The following CANX variants were observed in gnomAD, a reference collection of about 807,000 sequenced individuals.
The protein encoded by CANX is epididymis secretory sperm binding protein.
A neutral mutation model predicts 75.7 loss-of-function variants in CANX; 14 were observed. The ratio of observed to expected loss-of-function variants is 0.19; its 90% confidence interval spans 0.12 to 0.29. The LOEUF is 0.29. Among genes scored for constraint, CANX ranks in the 10% least tolerant of loss-of-function variants. The pLI, the probability that CANX is intolerant of heterozygous loss-of-function variation, is 1.00. For missense variants in CANX, 567 were observed against 713.2 expected (o/e 0.79, Z 2.34); for synonymous variants, 227 against 236.9 (o/e 0.96, Z 0.38).
rs1292417898 is a variant in CANX at position 179,722,827 on chromosome 5, A to G, written c.1206A>G (p.Ile402Met). The G allele has an allele frequency of 6.2e-7, 1 of 1,612,614 alleles. No individual in the cohort carries two copies. The highest frequency in any genetic ancestry group is 1.7e-5 in the Admixed American group (1 of 59,954). ...SYQGIWKPRK[I>M]PNPDFFEDLE... ...AGGGAATCTGGAAACCCAGGAAAATACCAAATCCAGATTTCTTTGAAGATC... is the reference window on the plus strand; with the variant it reads ...AGGGAATCTGGAAACCCAGGAAAATGCCAAATCCAGATTTCTTTGAAGATC... The change falls in exon 11 of 15, where the codon ATA becomes ATG. Residue 402 changes from isoleucine (I) to methionine (M), a missense_variant. Physicochemically the swap from Ile to Met is conservative, Grantham distance 10. This residue lies in a region of CANX where 49 missense variants were observed against 100.1 expected (regional missense o/e 0.49). Transcript: ENST00000247461.
In CANX at chr5:179,702,264, G is replaced by A. The variant is rs528260306; in HGVS notation, c.-4+3162G>A. Among the ~76,000 whole-genome samples the A allele has an allele frequency of 2.1e-3, 317 of 151,526 alleles. 1 individual carries two copies. Among genetic ancestry groups the A allele is most frequent in the Admixed American group, 5.1e-3 (78 of 15,170 alleles). ...ATACTTCGCTTTGTTGCCCAGGCTG[G>A]TCTCGAACTCCTGAGCTCAAGCGAT... On this transcript the variant is annotated intron_variant, in intron 1 of 14. Transcript: ENST00000247461.
At chr5:179,713,975 GTTTGTTTTGT>G (rs369815764) in intron 7 of CANX, among the ~76,000 whole-genome samples, 8 of 152,056 alleles carry the variant, frequency 5.3e-5, no homozygotes, top group Non-Finnish European at 7.4e-5. Flanking sequence ...ACTGTGATTT[GTTTGTTTTGT>G]TTTGTTTTGT....
intron 1 of CANX, among the ~76,000 whole-genome samples, chr5:179,689,263 T>C (rs1249048877): frequency 6.8e-6 from 1 of 147,250 alleles, no homozygotes; most frequent in Non-Finnish European, 1.5e-5. Context: ...AGAACAACAA[T>C]AACAAAAAAC....
At chr5:179,679,298 T>A in intron 1 of CANX, 1 of 1,487,398 alleles carries the variant, frequency 6.7e-7, no homozygotes, top group Non-Finnish European at 8.9e-7. Flanking sequence ...AGCAGCGTGC[T>A]TGGTACAGGC....
chr5:179,731,221 T>C lies in CANX; in HGVS notation c.*2577T>C, dbSNP rs1389850660. Among the ~76,000 whole-genome samples the C allele has an allele frequency of 6.6e-6, 1 of 152,220 alleles. No homozygotes were observed. Among genetic ancestry groups the C allele is most frequent in the Non-Finnish European group, 1.5e-5 (1 of 68,034 alleles). ...TGCTACTGATAATTTGTAGATAATA[T>C]TCTTTAAGACTTAGGGGAACCATTG... On this transcript the variant is annotated 3_prime_UTR_variant, in exon 15 of 15. Transcript: ENST00000247461.
At chr5:179,694,000 C>T (rs1776345187), upstream of CANX, among the ~76,000 whole-genome samples, 2 of 151,568 alleles carry the variant, frequency 1.3e-5, no homozygotes, top group Non-Finnish European at 2.9e-5. Context: ...AGTAATGGGC[C>T]GGGCGTGGTG....
intron 6 of CANX, 129 bp downstream of exon 6, chr5:179,709,188 G>T (rs1777355146): frequency 1.6e-6 from 1 of 616,230 alleles, no homozygotes; most frequent in Non-Finnish European, 3.0e-6. Flanking sequence ...AGCCAAGGCA[G>T]GCGGATCACG....
intron 5 of CANX, 104 bp from the exon 6 acceptor site, chr5:179,708,874 C>T: frequency 1.6e-6 from 1 of 634,044 alleles, no homozygotes; most frequent in South Asian, 1.8e-5. Flanking sequence ...AAACATTTGA[C>T]CTATGATAAA....
upstream of CANX, chr5:179,698,849 G>A: frequency 1.0e-6 from 1 of 994,678 alleles, no homozygotes; most frequent in Non-Finnish European, 1.3e-6. Flanking sequence ...TGCCCACGCC[G>A]GCCAACCGGA....
intron 1 of CANX, among the ~76,000 whole-genome samples, chr5:179,692,716 A>C (rs985928465): frequency 3.3e-5 from 5 of 151,860 alleles, no homozygotes; most frequent in Non-Finnish European, 5.9e-5. Flanking sequence ...GGGTTTTGCC[A>C]TGTTGCCCAG....
chr5:179,703,947 A>G (rs1337239351), intron 1 of CANX, among the ~76,000 whole-genome samples: 8 of 152,168 alleles, frequency 5.3e-5, no homozygotes, highest in Admixed American at 6.6e-5. Context: ...GTGAAAGACT[A>G]TGATTGATTG....
chr5:179,704,563 C>G (rs1486291703), intron 1 of CANX: 1 of 150,196 alleles, frequency 6.7e-6, no homozygotes, highest in African/African-American at 2.5e-5. Flanking sequence ...TGGCCAGGTG[C>G]AGTGGCTCAC....
chr5:179,719,612 G>A, intron 8 of CANX, 56 bp from the exon 9 acceptor site: 1 of 921,176 alleles, frequency 1.1e-6, no homozygotes, highest in Non-Finnish European at 1.7e-6. Context: ...GATCCACAAA[G>A]TGGTACTATA....
intron 3 of CANX, among the ~76,000 whole-genome samples, chr5:179,706,743 C>G (rs997992955): frequency 2.0e-5 from 3 of 152,170 alleles, no homozygotes; most frequent in Non-Finnish European, 4.4e-5. Context: ...AGGCATGAGC[C>G]ACCGCACCTG....
intron 1 of CANX, among the ~76,000 whole-genome samples, chr5:179,705,258 C>G (rs1777047789): frequency 6.6e-6 from 1 of 152,216 alleles, no homozygotes; most frequent in African/African-American, 2.4e-5. Context: ...GCTGGGATTA[C>G]AGGCGTGAGC....
chr5:179,719,908 A>T, intron 9 of CANX, 127 bp downstream of exon 9: 1 of 605,928 alleles, frequency 1.7e-6, no homozygotes. Context: ...TGCAACTTTC[A>T]CCTCCTGGGT....
intron 1 of CANX, chr5:179,679,072 C>G: frequency 6.5e-7 from 1 of 1,535,580 alleles, no homozygotes; most frequent in African/African-American, 1.4e-5. Flanking sequence ...TGTGATCGGC[C>G]CAAAACTGCT....
chr5:179,724,914 G>A, intron 13 of CANX, 131 bp downstream of exon 13: 2 of 1,278,986 alleles, frequency 1.6e-6, no homozygotes, highest in South Asian at 1.6e-5. Flanking sequence ...CACTTTGGGA[G>A]GTTGAAGCAG....
At chr5:179,712,030 G>A (rs868233726) in intron 7 of CANX, among the ~76,000 whole-genome samples, 26 of 151,066 alleles carry the variant, frequency 1.7e-4, no homozygotes, top group African/African-American at 5.1e-4. Context: ...CCCGGGAGGC[G>A]GAGGTCACGG....
Sources: gnomAD v4.1 joint callset for allele counts (sites outside exome capture counted in the v4.1 genomes callset) on GRCh38, gnomAD v4.1.1 for gene constraint, gnomAD v4.1.1 regional missense constraint, MANE v1.5 for transcripts, NCBI Gene and HGNC (gene_info 2026-07-23, HGNC 2026-07-21) for gene names.